TNS2: variants seen among roughly 807,000 people sequenced by gnomAD.
The protein encoded by TNS2 is tensin-2.
TNS2 carries 77 observed loss-of-function variants against 155.7 expected under a neutral mutation model. The ratio of observed to expected loss-of-function variants is 0.49; its 90% confidence interval spans 0.41 to 0.60. The LOEUF is 0.60. Among genes scored for constraint, TNS2 ranks in the 20% least tolerant of loss-of-function variants. The pLI is 0.00. For missense variants in TNS2, 1,703 were observed against 1,868.8 expected, an observed-to-expected ratio of 0.91 and a Z score of 1.64; for synonymous variants, 726 against 763.9, an observed-to-expected ratio of 0.95 and a Z score of 0.82.
chr12:53,060,626 A>T lies in TNS2; in HGVS notation c.2769-49A>T, dbSNP rs752595219. 22 of 1,590,316 alleles carry T rather than the reference A, an allele frequency of 1.4e-5. No homozygotes were observed. The highest frequency in any genetic ancestry group is 1.7e-5 in the Non-Finnish European group (20 of 1,166,352). On this transcript the variant is annotated intron_variant, in intron 19 of 28. Coordinates refer to ENST00000314250, the MANE Select transcript of TNS2 (RefSeq NM_170754.4). This position sits in a 1 kb window ranked among gnomAD's most constrained non-coding sequence, Gnocchi z 6.1. ...AGTTGATGAAGGCAGGTGGGGTGGG[A>T]GCAGCCACAATGGGGGCTCTGCTGA...
At chr12:53,049,068 A>T, upstream of TNS2, 1 of 1,095,858 alleles carries the variant, frequency 9.1e-7, no homozygotes, top group Non-Finnish European at 1.3e-6. Flanking sequence ...CCCTTTTTCA[A>T]GGCCCCATCC....
chr12:53,062,300 A>G lies in TNS2; in HGVS notation c.3667+55A>G, dbSNP rs1239767287. The G allele has an allele frequency of 9.3e-6, 15 of 1,612,146 alleles. No homozygotes were observed. In the East Asian group the frequency reaches 2.7e-4, roughly 29 times the overall value. On this transcript the variant is annotated intron_variant, in intron 23 of 28. Transcript: ENST00000314250. ...GTTGGGTCGGTTTAGGGAGATGCCA[A>G]GGGATCTCAGGAGGATGGAAGGGAA...
chr12:53,057,134 T>A (rs1251383502), intron 11 of TNS2, 38 bp downstream of exon 11: 1 of 1,586,256 alleles, frequency 6.3e-7, no homozygotes, highest in East Asian at 2.3e-5. Context: ...GAGGAGCAGC[T>A]CCCTTCATGG....
At chr12:53,047,436 CA>C (rs1943763293), upstream of TNS2, among the ~76,000 whole-genome samples, 2 of 143,224 alleles carry the variant, frequency 1.4e-5, no homozygotes, top group South Asian at 4.3e-4. Flanking sequence ...CGGGCAGTGC[CA>C]GGGGCGGGCG....
At chr12:53,047,509 T>G (rs1943768674), upstream of TNS2, among the ~76,000 whole-genome samples, 1 of 133,018 alleles carries the variant, frequency 7.5e-6, no homozygotes, top group Non-Finnish European at 1.7e-5. Context: ...GGCCCAGGGC[T>G]GGGGCCGGGG....
At chr12:53,052,331 C>A in intron 2 of TNS2, 124 bp from the exon 3 acceptor site, 2 of 1,259,906 alleles carry the variant, frequency 1.6e-6, no homozygotes, top group Non-Finnish European at 2.3e-6. Context: ...CCAGCCAGCC[C>A]AGTCCAGGTG....
In TNS2 at chr12:53,058,780, G is replaced by T. The variant is rs1339255501; in HGVS notation, c.1358G>T (p.Trp453Leu). Residue 453 changes from tryptophan (W) to leucine (L), a missense_variant, in exon 17 of 29, where the codon TGG becomes TTG. Coordinates refer to ENST00000314250, the MANE Select transcript of TNS2 (RefSeq NM_170754.4). ...AACACCACTGAGCCAGCCGTGCGCT[G>T]GGACTCCTATGAGAACTTCAACCAG... ...DYNTTEPAVR[W>L]DSYENFNQHH... 6.2e-7 allele frequency: 1 copy of T among 1,613,920 alleles called. No individual in the cohort carries two copies. The highest frequency in any genetic ancestry group is 2.2e-5 in the East Asian group (1 of 44,870).
chr12:53,058,749 G>C lies in TNS2; in HGVS notation c.1327G>C (p.Asp443His), dbSNP rs145813729. ...ACGGAACGACCCCTCGGTCTCTGTCGACTACAACACCACTGAGCCAGCCGT... is the reference window on the plus strand; with the variant it reads ...ACGGAACGACCCCTCGGTCTCTGTCCACTACAACACCACTGAGCCAGCCGT... The part of the protein sequence containing the change: ...TPRNDPSVSV[D>H]YNTTEPAVRW... The change falls in exon 17 of 29, where the codon GAC becomes CAC. Residue 443 changes from aspartate (D) to histidine (H), a missense_variant. Coordinates refer to ENST00000314250, the MANE Select transcript of TNS2 (RefSeq NM_170754.4). The C allele has an allele frequency of 1.9e-6, 3 of 1,613,816 alleles. No homozygotes were observed. The highest frequency in any genetic ancestry group is 2.5e-6 in the Non-Finnish European group (3 of 1,180,014).
At chr12:53,055,465 C>T in intron 8 of TNS2, 103 bp from the exon 9 acceptor site, 1 of 1,425,426 alleles carries the variant, frequency 7.0e-7, no homozygotes, top group African/African-American at 1.4e-5. Flanking sequence ...CAGCAGACCC[C>T]CAGCCTTGCC....
At chr12:53,056,174 A>G (rs538023977) in intron 10 of TNS2, 32 of 204,722 alleles carry the variant, frequency 1.6e-4, no homozygotes, top group South Asian at 3.3e-4. Context: ...TGGCCAGGTG[A>G]AACCCCATCT....
chr12:53,053,969 C>G lies in TNS2; in HGVS notation c.305C>G (p.Ser102Cys). The change falls in exon 6 of 29, where the codon TCC (serine) becomes TGC (cysteine). Residue 102 changes from serine to cysteine, a missense_variant. By Grantham distance (112) the Ser-to-Cys change is moderately radical. Coordinates refer to ENST00000314250, the MANE Select transcript of TNS2 (RefSeq NM_170754.4). ...ACACTGTCTGTTAACCACCAGGGAT[C>G]CACCAAATCTCTGAACCACTCAAAG... ...APVRRIEHLG[S>C]TKSLNHSKQR... 4 of 1,614,182 alleles carry G rather than the reference C, an allele frequency of 2.5e-6. No individual in the cohort carries two copies. The highest frequency in any genetic ancestry group is 2.5e-6 in the Non-Finnish European group (3 of 1,180,034).
Position 53,063,287 on chromosome 12 carries a change from T to A in TNS2, c.3992+30T>A, listed in dbSNP as rs748374397. 3.1e-6 allele frequency: 5 copies of A among 1,613,810 alleles called. No homozygotes were observed. The highest frequency in any genetic ancestry group is 4.2e-6 in the Non-Finnish European group (5 of 1,179,944). On this transcript the variant is annotated intron_variant, in intron 26 of 28. Transcript: ENST00000314250. This position sits in a 1 kb window ranked among gnomAD's most constrained non-coding sequence, Gnocchi z 5.6. ...GTATACTCAGCCCTGTAGAACCCCATGCTTAAGGCCCCTGGGGGCTCATGT... is the reference window on the plus strand; with the variant it reads ...GTATACTCAGCCCTGTAGAACCCCAAGCTTAAGGCCCCTGGGGGCTCATGT...
chr12:53,057,908 G>A (rs2121125810), intron 13 of TNS2, 75 bp downstream of exon 13: 1 of 1,610,794 alleles, frequency 6.2e-7, no homozygotes, highest in Non-Finnish European at 8.5e-7. Flanking sequence ...TGCTTCTCCA[G>A]CCTCCCTAGA....
In TNS2 at chr12:53,060,523, G is replaced by A; in HGVS notation, c.2736G>A (p.Leu912=). ...SSELSGPSTP[L]HTSSPVQGKE... The stretch of plus-strand genomic sequence containing the variant: ...AGTTGTCTGGTCCCTCCACGCCCCT[G>A]CACACCAGCAGTCCAGTCCAGGGCA... The change falls in exon 19 of 29, where the codon CTG becomes CTA. Residue 912 remains leucine (L), a synonymous_variant. Transcript: ENST00000314250. This position sits in a 1 kb window ranked among gnomAD's most constrained non-coding sequence, Gnocchi z 6.1. 6.2e-7 allele frequency: 1 copy of A among 1,613,752 alleles called. No individual in the cohort carries two copies. Among genetic ancestry groups the A allele is most frequent in the African/African-American group, 1.3e-5 (1 of 75,012 alleles).
chr12:53,062,055 G>T, intron 22 of TNS2, 98 bp from the exon 23 acceptor site: 1 of 1,611,300 alleles, frequency 6.2e-7, no homozygotes, highest in Non-Finnish European at 8.5e-7. Flanking sequence ...GAGGGGAGAG[G>T]TAGGAAAAGA....
chr12:53,050,476 T>G lies in TNS2; in HGVS notation c.75+216T>G, dbSNP rs1943890917. Among the ~76,000 whole-genome samples the G allele has an allele frequency of 6.6e-6, 1 of 151,942 alleles. No individual in the cohort carries two copies. The highest frequency in any genetic ancestry group is 1.5e-5 in the Non-Finnish European group (1 of 67,970). Reference sequence around the variant, plus strand: ...CTGTCTGTTTTGGCTCCTCTCACCTTCCCTGCTCTAGCCTGGGCCAACCCC... The same window carrying G: ...CTGTCTGTTTTGGCTCCTCTCACCTGCCCTGCTCTAGCCTGGGCCAACCCC... On this transcript the variant is annotated intron_variant, in intron 1 of 28. Coordinates refer to ENST00000314250, the MANE Select transcript of TNS2 (RefSeq NM_170754.4). The surrounding 1 kb of genome is among the most constrained non-coding windows in gnomAD (Gnocchi z 4.7).
upstream of TNS2, among the ~76,000 whole-genome samples, chr12:53,047,845 A>T (rs1267347653): frequency 6.6e-6 from 1 of 151,804 alleles, no homozygotes; most frequent in Non-Finnish European, 1.5e-5. Flanking sequence ...CATCCTCCAG[A>T]CCCTTCTGGG....
chr12:53,062,865 G>T, intron 25 of TNS2, 168 bp downstream of exon 25: 1 of 971,132 alleles, frequency 1.0e-6, no homozygotes, highest in Middle Eastern at 2.2e-4. Context: ...CTCAGCCTAG[G>T]TTCTCAAAGT....
rs751207674 is a variant in TNS2 at position 53,063,525 on chromosome 12, C to T, written c.4062-38C>T. On this transcript the variant is annotated intron_variant, in intron 27 of 28. Coordinates refer to ENST00000314250, the MANE Select transcript of TNS2 (RefSeq NM_170754.4). This position sits in a 1 kb window ranked among gnomAD's most constrained non-coding sequence, Gnocchi z 5.6. ...CCCGGCCCCCCTTCAGCAGCTGTCCCCTGGGGTGTGCATCTTCACCTTCTT... is the reference window on the plus strand; with the variant it reads ...CCCGGCCCCCCTTCAGCAGCTGTCCTCTGGGGTGTGCATCTTCACCTTCTT... 1.2e-6 allele frequency: 2 copies of T among 1,613,624 alleles called. No homozygotes were observed. The highest frequency in any genetic ancestry group is 1.7e-6 in the Non-Finnish European group (2 of 1,179,932).
Sources: allele counts gnomAD v4.1 joint callset (sites outside exome capture counted in the v4.1 genomes callset), GRCh38; gene constraint gnomAD v4.1.1; non-coding constraint Gnocchi (gnomAD v3.1); transcripts MANE v1.5; gene names NCBI Gene and HGNC (gene_info 2026-07-23, HGNC 2026-07-21).